Variants in NCAPG2 observed in about 807,000 individuals in gnomAD.
NCAPG2 encodes the protein condensin-2 complex subunit G2.
NCAPG2 carries 53 observed loss-of-function variants against 141.1 expected under a neutral mutation model. The observed-to-expected ratio is 0.38, with a 90% CI of 0.30 to 0.47. The LOEUF is 0.47. Ranked by LOEUF, NCAPG2 falls within the 20% of genes least tolerant of loss-of-function variation. The pLI is 0.99. For synonymous variants in NCAPG2, 499 were observed against 490.7 expected (o/e 1.02, Z -0.22); for missense variants, 1,087 against 1,389.0 (o/e 0.78, Z 3.46).
At chr7:158,645,435 C>A (rs76977638) in intron 26 of NCAPG2, 84 bp downstream of exon 26, 12,585 of 1,227,086 alleles carry the variant, frequency 0.01, 115 homozygotes, top group South Asian at 0.028. Flanking sequence ...TAGCCAAGTG[C>A]AGGGGCTGAT....
intron 16 of NCAPG2, among the ~76,000 whole-genome samples, chr7:158,659,592 C>T (rs1832313741): frequency 6.6e-6 from 1 of 151,998 alleles, no homozygotes; most frequent in Non-Finnish European, 1.5e-5. Context: ...ATTACTAAAA[C>T]AATAAGTAAA....
intron 2 of NCAPG2, among the ~76,000 whole-genome samples, chr7:158,695,236 C>A (rs1835375604): frequency 6.6e-6 from 1 of 152,118 alleles, no homozygotes; most frequent in African/African-American, 2.4e-5. Flanking sequence ...ATTCATGACG[C>A]TTACATCAGG....
chr7:158,658,831 G>A (rs1382661709), intron 16 of NCAPG2, among the ~76,000 whole-genome samples: 2 of 152,098 alleles, frequency 1.3e-5, no homozygotes, highest in East Asian at 3.9e-4. Flanking sequence ...AAATTATTCA[G>A]AGAAAATGTT....
chr7:158,696,647 A>G (rs997201538), intron 2 of NCAPG2: 4 of 152,230 alleles, frequency 2.6e-5, no homozygotes, highest in Non-Finnish European at 4.4e-5. Context: ...GATTCCTTTG[A>G]ATTCCTCTTG....
chr7:158,640,537 A>C (rs1006140196), intron 27 of NCAPG2: 1 of 152,218 alleles, frequency 6.6e-6, no homozygotes, highest in Non-Finnish European at 1.5e-5. Flanking sequence ...TGTCTCAAAA[A>C]ATAATAATAA....
rs749651397 is a variant in NCAPG2, at chr7:158,652,459, G to A, written c.2768C>T (p.Ser923Leu). The A allele has an allele frequency of 3.8e-6, 6 of 1,598,156 alleles. No individual in the cohort carries two copies. The highest frequency in any genetic ancestry group is 1.7e-4 in the Middle Eastern group (1 of 5,996). Reference sequence around the variant, plus strand: ...CTCTTTCAGAATGTCAAGAAGTAATGAAACATAAAAAAATCCCTTCACTAG... The same window carrying A: ...CTCTTTCAGAATGTCAAGAAGTAATAAAACATAAAAAAATCCCTTCACTAG... ...MQTVKGFFYVSLLLDILKEIT... is the reference protein window; with the variant it reads ...MQTVKGFFYVLLLLDILKEIT... Residue 923 changes from serine (S) to leucine (L), a missense_variant, in exon 23 of 28, where the codon TCA becomes TTA. Transcript: ENST00000356309.
chr7:158,669,458 T>C (rs1363253799), intron 13 of NCAPG2, among the ~76,000 whole-genome samples: 2 of 152,120 alleles, frequency 1.3e-5, no homozygotes, highest in African/African-American at 2.4e-5. Flanking sequence ...GCAGCCAGTA[T>C]TTTTATTGAA....
At chr7:158,699,884 A>G (rs974359949) in intron 2 of NCAPG2, among the ~76,000 whole-genome samples, 1 of 152,142 alleles carries the variant, frequency 6.6e-6, no homozygotes, top group African/African-American at 2.4e-5. Flanking sequence ...AAAATTTTTT[A>G]GTGTTGTCCC....
chr7:158,693,966 C>T (rs1182175431), intron 2 of NCAPG2, among the ~76,000 whole-genome samples: 1 of 152,206 alleles, frequency 6.6e-6, no homozygotes, highest in Non-Finnish European at 1.5e-5. Flanking sequence ...TCTGAGATGA[C>T]CTCACGTACT....
intron 3 of NCAPG2, 119 bp from the exon 4 acceptor site, chr7:158,693,075 A>G: frequency 1.2e-6 from 1 of 831,184 alleles, no homozygotes; most frequent in Non-Finnish European, 1.9e-6. Flanking sequence ...CTTATTCTAA[A>G]AAGAATTAAA....
At chr7:158,652,541 A>G in intron 22 of NCAPG2, 61 bp from the exon 23 acceptor site, 1 of 1,283,490 alleles carries the variant, frequency 7.8e-7, no homozygotes, top group Non-Finnish European at 1.1e-6. Flanking sequence ...AAATCATTAC[A>G]CATTTCTCAC....
intron 27 of NCAPG2, among the ~76,000 whole-genome samples, chr7:158,639,467 A>G (rs1369144787): frequency 6.6e-6 from 1 of 152,196 alleles, no homozygotes; most frequent in African/African-American, 2.4e-5. Context: ...ATTCTTTTCC[A>G]TATGTATATC....
At chr7:158,655,557 A>G (rs1203213158) in intron 19 of NCAPG2, 102 bp from the exon 20 acceptor site, 40 of 971,576 alleles carry the variant, frequency 4.1e-5, no homozygotes, top group Non-Finnish European at 6.1e-5. Flanking sequence ...AGGCGAGCTG[A>G]AAAGACCCCC....
chr7:158,656,505 A>G (rs770346814), intron 18 of NCAPG2, 47 bp downstream of exon 18: 3 of 1,612,072 alleles, frequency 1.9e-6, no homozygotes, highest in Non-Finnish European at 2.5e-6. Context: ...TCTAATACAC[A>G]GTTATCCTCA....
At chr7:158,668,528 T>A in intron 13 of NCAPG2, 1 of 757,106 alleles carries the variant, frequency 1.3e-6, no homozygotes, top group Non-Finnish European at 1.6e-6. Context: ...TGTCTGGAAT[T>A]TATTTCAAAA....
intron 27 of NCAPG2, among the ~76,000 whole-genome samples, chr7:158,632,975 T>C (rs1829983056): frequency 6.6e-6 from 1 of 152,210 alleles, no homozygotes. Flanking sequence ...CAGCAGCCAC[T>C]GTATTGGCCT....
intron 24 of NCAPG2, among the ~76,000 whole-genome samples, chr7:158,649,227 C>T (rs180953029): frequency 6.6e-6 from 1 of 151,990 alleles, no homozygotes; most frequent in Admixed American, 6.5e-5. Flanking sequence ...ATTGACAGAA[C>T]AAATGAAAAA....
intron 27 of NCAPG2, among the ~76,000 whole-genome samples, chr7:158,642,417 A>G (rs1248387450): frequency 6.6e-6 from 1 of 152,100 alleles, no homozygotes; most frequent in Non-Finnish European, 1.5e-5. Flanking sequence ...ACACTTCTGT[A>G]GTTCTAGCTA....
At chr7:158,665,744 C>G (rs542660302) in intron 13 of NCAPG2, among the ~76,000 whole-genome samples, 1 of 152,266 alleles carries the variant, frequency 6.6e-6, no homozygotes, top group East Asian at 1.9e-4. Flanking sequence ...ACCTCCCAAC[C>G]CCATTGACAA....
Sources: gnomAD v4.1 joint callset for allele counts (sites outside exome capture counted in the v4.1 genomes callset) on GRCh38, gnomAD v4.1.1 for gene constraint, MANE v1.5 for transcripts, NCBI Gene and HGNC (gene_info 2026-07-23, HGNC 2026-07-21) for gene names.